Variants in TBATA observed in about 807,000 individuals in gnomAD.
The protein encoded by TBATA is protein TBATA.
TBATA carries 47 observed loss-of-function variants against 38.7 expected under a neutral mutation model. The observed-to-expected ratio is 1.21, with a 90% CI of 0.96 to 1.55. The LOEUF is 1.55. TBATA is among the 40% of genes most tolerant of loss of function. The probability of loss-of-function intolerance (pLI) is 0.00; values close to 1 mark genes in which losing one functional copy is unlikely to be tolerated. For synonymous variants in TBATA, 183 were observed against 170.5 expected (o/e 1.07, Z -0.57); for missense variants, 436 against 435.6 (o/e 1.00, Z -0.01).
In TBATA at chr10:70,771,397, C is replaced by A. The variant is rs141267448; in HGVS notation, c.1038G>T (p.Ser346=). 6.2e-7 allele frequency: 1 copy of A among 1,614,168 alleles called. No homozygotes were observed. Among genetic ancestry groups the A allele is most frequent in the Non-Finnish European group, 8.5e-7 (1 of 1,180,018 alleles). The stretch of plus-strand genomic sequence containing the variant: ...CCCCTCAGCTCTCTGCCCTCGGCTT[C>A]GATGTCTTCTTCTCTGTGTTCTGGC... ...HSSQNTEKKT[S]KPRAES is the part of the protein sequence containing the mutation. The change falls in exon 11 of 11, where the codon TCG becomes TCT. Residue 346 remains serine, a synonymous_variant. Coordinates refer to ENST00000456372, the MANE Select transcript of TBATA (RefSeq NM_001318241.2).
chr10:70,777,749 G>A, intron 6 of TBATA: 1 of 427,072 alleles, frequency 2.3e-6, no homozygotes, highest in Non-Finnish European at 4.6e-6. Flanking sequence ...TGCACCAAGG[G>A]CCCACCGCCT....
chr10:70,774,291 G>C lies in TBATA; in HGVS notation c.842C>G (p.Ser281Cys). 1 of 1,610,138 alleles carries C rather than the reference G, an allele frequency of 6.2e-7. No homozygotes were observed. Among genetic ancestry groups the C allele is most frequent in the Non-Finnish European group, 8.5e-7 (1 of 1,178,856 alleles). Residue 281 changes from serine (S) to cysteine (C), a missense_variant, in exon 9 of 11, where the codon TCC becomes TGC. Coordinates refer to ENST00000456372, the MANE Select transcript of TBATA (RefSeq NM_001318241.2). ...GCTTAGGAGCTTTTCTGTAGGGATG[G>C]AGACTAGGGGCTGGGGAAGGAGCTG... ...VAQLLPQPLV[S>C]IPTEKLLSQL...
At chr10:70,785,133 C>T (rs1222163420) in intron 1 of TBATA, among the ~76,000 whole-genome samples, 152 bp downstream of exon 1, 1 of 152,154 alleles carries the variant, frequency 6.6e-6, no homozygotes. Context: ...TCTGCCCTGC[C>T]CTGCCCCTGC....
intron 5 of TBATA, 187 bp from the exon 6 acceptor site, chr10:70,778,823 G>T (rs944177088): frequency 2.9e-6 from 2 of 685,892 alleles, no homozygotes; most frequent in Admixed American, 4.1e-5. Flanking sequence ...GGTGGTTGTG[G>T]CAGTGGGTGG....
Position 70,774,348 on chromosome 10 carries a change from A to C in TBATA, c.785T>G (p.Leu262Arg). Residue 262 changes from leucine to arginine, a missense_variant, in exon 9 of 11, where the codon CTC becomes CGC. Physicochemically the swap from Leu to Arg is moderately radical, Grantham distance 102. Transcript: ENST00000456372. ...LLYAPPKEKD[L>R]ALGLLQTAVA... is the part of the protein sequence containing the mutation. ...TGCTGTCTGCAGGAGTCCCAGAGCG[A>C]GGTCTTTTTCTGAAAGCACAGCCCG... The C allele has an allele frequency of 1.9e-6, 3 of 1,595,002 alleles. No homozygotes were observed. Among genetic ancestry groups the C allele is most frequent in the Non-Finnish European group, 2.6e-6 (3 of 1,171,726 alleles).
At chr10:70,772,588 G>C (rs775575090) in intron 9 of TBATA, 22 bp from the exon 10 acceptor site, 130 of 1,613,940 alleles carry the variant, frequency 8.1e-5, no homozygotes, top group Non-Finnish European at 1.1e-4. Flanking sequence ...TACAAAGAAG[G>C]GGCTGGGAAG....
Position 70,775,196 on chromosome 10 carries a change from C to A in TBATA, c.768G>T (p.Pro256=), listed in dbSNP as rs760287886. The change falls in exon 8 of 11, where the codon CCG becomes CCT. Residue 256 remains proline (P), a synonymous_variant. Transcript: ENST00000456372. ...GCGGGGCTGTGTCCTCACCCTTGGG[C>A]GGAGCGTAGAGCAGCCAGAACTGGA... is the stretch of plus-strand genomic sequence containing the variant. The part of the protein sequence containing the change: ...SAIQFWLLYA[P]PKEKDLALGL... 3 of 1,613,854 alleles carry A rather than the reference C, an allele frequency of 1.9e-6. No homozygotes were observed. The South Asian group carries it at 3.3e-5, about 18-fold the overall frequency.
At chr10:70,781,491 A>G (rs999428446) in intron 4 of TBATA, among the ~76,000 whole-genome samples, 2 of 152,240 alleles carry the variant, frequency 1.3e-5, no homozygotes, top group African/African-American at 2.4e-5. Flanking sequence ...AGTGGCTGAC[A>G]TGGCCTAAGT....
Position 70,781,699 on chromosome 10 carries a change from G to C in TBATA, c.277+102C>G. The C allele has an allele frequency of 6.9e-6, 8 of 1,161,380 alleles. No homozygotes were observed. In the South Asian group the frequency reaches 1.2e-4, roughly 17 times the overall value. 71.9% of individuals were successfully genotyped at this position (1,161,380 alleles called of 1,614,324 possible). A position where few individuals can be genotyped will look rare whatever the true frequency, so the allele number is the denominator to read the frequency against. On this transcript the variant is annotated intron_variant, in intron 4 of 10. Coordinates refer to ENST00000456372, the MANE Select transcript of TBATA (RefSeq NM_001318241.2). ...GGGATCCTGGACCCCATCCTCTCTG[G>C]GCCCCAGCCTGGAAATGGGCTGCCA...
Position 70,781,785 on chromosome 10 carries a change from A to G in TBATA, c.277+16T>C, listed in dbSNP as rs1844248019. The G allele has an allele frequency of 6.2e-7, 1 of 1,610,324 alleles. No individual in the cohort carries two copies. The highest frequency in any genetic ancestry group is 1.3e-5 in the African/African-American group (1 of 74,788). ...TGATACTCCCTCTGCTCCCACCCCAACCAGCCAGGCCCTACCTTGGATGTG... is the reference window on the plus strand; with the variant it reads ...TGATACTCCCTCTGCTCCCACCCCAGCCAGCCAGGCCCTACCTTGGATGTG... On this transcript the variant is annotated intron_variant, in intron 4 of 10. Transcript: ENST00000456372.
At chr10:70,784,016 G>A (rs907633773) in intron 2 of TBATA, among the ~76,000 whole-genome samples, 44 of 152,148 alleles carry the variant, frequency 2.9e-4, no homozygotes, top group African/African-American at 1.1e-3. Flanking sequence ...CAGTATAAAT[G>A]TTGTTTAAAA....
chr10:70,772,459 C>T, intron 10 of TBATA, 55 bp downstream of exon 10: 1 of 1,566,044 alleles, frequency 6.4e-7, no homozygotes, highest in South Asian at 1.1e-5. Context: ...CTGAGAAATC[C>T]AGCCAGAGTG....
chr10:70,777,586 T>G (rs1843588955), intron 6 of TBATA, among the ~76,000 whole-genome samples: 1 of 152,080 alleles, frequency 6.6e-6, no homozygotes, highest in Non-Finnish European at 1.5e-5. Flanking sequence ...CACTATCAGC[T>G]ATCACGCTTA....
intron 10 of TBATA, 116 bp from the exon 11 acceptor site, chr10:70,771,577 G>A: frequency 2.2e-6 from 2 of 915,458 alleles, no homozygotes; most frequent in Non-Finnish European, 3.4e-6. Context: ...CCCAGCTCCT[G>A]CTCTCAGCTC....
At chr10:70,778,676 G>A in intron 5 of TBATA, 40 bp from the exon 6 acceptor site, 1 of 1,583,176 alleles carries the variant, frequency 6.3e-7, no homozygotes, top group East Asian at 2.2e-5. Flanking sequence ...TGAAGTCAGG[G>A]GCCCTCCTCC....
In TBATA at chr10:70,782,397, C is replaced by T. The variant is rs1175924120; in HGVS notation, c.42-361G>A. ...GGATGGAGCAAAGTCACCTTATATA[C>T]ATCCCTGGGGATGGGGATGGTCTCA... On this transcript the variant is annotated intron_variant, in intron 3 of 10. Coordinates refer to ENST00000456372, the MANE Select transcript of TBATA (RefSeq NM_001318241.2). 10 of 1,313,568 alleles carry T rather than the reference C, an allele frequency of 7.6e-6. No homozygotes were observed. In the East Asian group the frequency reaches 4.6e-4, roughly 61 times the overall value. The allele number at this position is 1,313,568 out of a possible 1,614,324, so 81.4% of individuals were successfully genotyped here.
In TBATA at chr10:70,774,333, A is replaced by C. The variant is rs773771976; in HGVS notation, c.800T>G (p.Leu267Arg). ...PKEKDLALGL[L>R]QTAVAQLLPQ... ...AAGGAGCTGAGCCACTGCTGTCTGC[A>C]GGAGTCCCAGAGCGAGGTCTTTTTC... is the stretch of plus-strand genomic sequence containing the variant. The change falls in exon 9 of 11, where the codon CTG becomes CGG. Residue 267 changes from leucine (L) to arginine (R), a missense_variant. Physicochemically the swap from Leu to Arg is moderately radical, Grantham distance 102. Transcript: ENST00000456372. 3 of 1,602,278 alleles carry C rather than the reference A, an allele frequency of 1.9e-6. No individual in the cohort carries two copies. The highest frequency in any genetic ancestry group is 2.6e-6 in the Non-Finnish European group (3 of 1,175,328).
chr10:70,778,006 G>A, intron 6 of TBATA: 1 of 324,400 alleles, frequency 3.1e-6, no homozygotes, highest in Non-Finnish European at 6.1e-6. Context: ...GGCAGGACCA[G>A]ACTGTCCTAA....
intron 5 of TBATA, 175 bp from the exon 6 acceptor site, chr10:70,778,811 G>A (rs766563752): frequency 2.9e-6 from 2 of 694,568 alleles, no homozygotes; most frequent in South Asian, 3.0e-5. Context: ...CACACCATGG[G>A]TGGTGGTTGT....
Sources: allele counts gnomAD v4.1 joint callset (sites outside exome capture counted in the v4.1 genomes callset), GRCh38; gene constraint gnomAD v4.1.1; transcripts MANE v1.5; gene names NCBI Gene and HGNC (gene_info 2026-07-23, HGNC 2026-07-21).